IGFN1: variants seen among roughly 807,000 people sequenced by gnomAD.
IGFN1 encodes the protein immunoglobulin-like and fibronectin type III domain-containing protein 1.
Under a neutral mutation model 289.5 loss-of-function variants are expected in IGFN1, and 253 were observed. The ratio of observed to expected loss-of-function variants is 0.87; its 90% CI spans 0.79 to 0.97. The LOEUF is 0.97. IGFN1 is among the 50% of genes least tolerant of loss of function. IGFN1 has a pLI of 0.00. For missense variants in IGFN1, 4,470 were observed against 4,686.1 expected (o/e 0.95, Z 1.35); for synonymous variants, 1,706 against 1,788.5 (o/e 0.95, Z 1.16).
intron 8 of IGFN1, among the ~76,000 whole-genome samples, chr1:201,200,972 C>T (rs1667126602): frequency 6.6e-6 from 1 of 151,994 alleles, no homozygotes; most frequent in Non-Finnish European, 1.5e-5. Context: ...GCTGGGACTA[C>T]AGGTGCCTGC....
intron 1 of IGFN1, among the ~76,000 whole-genome samples, chr1:201,192,292 G>C (rs915144805): frequency 2.0e-5 from 3 of 152,216 alleles, no homozygotes; most frequent in African/African-American, 7.2e-5. Flanking sequence ...TAATGATAAG[G>C]CTCTTTGGGC....
chr1:201,227,263 C>T, intron 23 of IGFN1, 55 bp downstream of exon 23: 1 of 1,433,884 alleles, frequency 7.0e-7, no homozygotes, highest in Non-Finnish European at 9.4e-7. Context: ...AGAGCAACCA[C>T]CTGCCTGTCA....
chr1:201,212,149 GACCTGGGGTGGA>G lies in IGFN1; in HGVS notation c.7264_7275del (p.Val2422_Gly2425del). 6.5e-7 allele frequency: 1 copy of G among 1,536,290 alleles called. No individual in the cohort carries two copies. Among genetic ancestry groups the G allele is most frequent in the Non-Finnish European group, 8.7e-7 (1 of 1,146,708 alleles). On this transcript the variant is annotated inframe_deletion, in exon 12 of 24. Coordinates refer to ENST00000335211, the MANE Select transcript of IGFN1 (RefSeq NM_001164586.2). ...GAAACCAGGCTTGTGGATGGGGCAG[GACCTGGGGTGGA>G]ACCTGGGATGGCTGGAATGCCAGGC...
intron 23 of IGFN1, 118 bp downstream of exon 23, chr1:201,227,326 G>T: frequency 1.4e-6 from 1 of 718,084 alleles, no homozygotes. Flanking sequence ...AGGAGACCAG[G>T]ACTCTCTGCC....
In IGFN1 at chr1:201,204,443, G is replaced by C. The variant is rs566775080; in HGVS notation, c.916+537G>C. 2.4e-4 allele frequency among the ~76,000 whole-genome samples: 36 copies of C among 152,338 alleles called. No homozygotes were observed. The East Asian group carries it at 4.8e-3, about 20-fold the overall frequency. On this transcript the variant is annotated intron_variant, in intron 10 of 23. Transcript: ENST00000335211. ...CTCAGAGCACCTGCCAGCTCAAGGG[G>C]GTTCTTGAAAGGACAACGAGAGGCC... is the stretch of plus-strand genomic sequence containing the variant.
chr1:201,214,871 A>G, intron 13 of IGFN1, 142 bp from the exon 14 acceptor site: 1 of 786,580 alleles, frequency 1.3e-6, no homozygotes, highest in Middle Eastern at 2.5e-4. Context: ...TGCTAAGCAC[A>G]GAGAGCATTG....
In IGFN1 at chr1:201,211,961, G is replaced by C. The variant is rs530447939; in HGVS notation, c.7068G>C (p.Met2356Ile). The C allele has an allele frequency of 7.8e-6, 12 of 1,533,056 alleles. No individual in the cohort carries two copies. Among genetic ancestry groups the C allele is most frequent in the Non-Finnish European group, 9.6e-6 (11 of 1,144,964 alleles). The allele number at this position is 1,533,056 out of a possible 1,614,324, so 95.0% of individuals were successfully genotyped here. ...GGGAAACGGGACCAGAGGGTAAGATGGGTTATGGAGATGGTTCAGGGAGGC... is the reference window on the plus strand; with the variant it reads ...GGGAAACGGGACCAGAGGGTAAGATCGGTTATGGAGATGGTTCAGGGAGGC... Reference protein sequence around the residue: ...GSGETGPEGKMGYGDGSGRLG... With the variant: ...GSGETGPEGKIGYGDGSGRLG... The change falls in exon 12 of 24, where the codon ATG becomes ATC. Residue 2356 changes from methionine (M) to isoleucine (I), a missense_variant. Physicochemically the swap from Met to Ile is conservative, Grantham distance 10. This residue lies in a region of IGFN1 where 2,218 missense variants were observed against 2,114.1 expected (regional missense o/e 1.05). Transcript: ENST00000335211.
chr1:201,226,055 C>T lies in IGFN1; in HGVS notation c.10718C>T (p.Ala3573Val), dbSNP rs1280038585. 1 of 1,601,146 alleles carries T rather than the reference C, an allele frequency of 6.2e-7. No individual in the cohort carries two copies. The highest frequency in any genetic ancestry group is 1.1e-5 in the South Asian group (1 of 89,668). Reference protein sequence around the residue: ...PGHEYHFRVVAKNELGASKPS... With the variant: ...PGHEYHFRVVVKNELGASKPS... ...CACGAATACCACTTCAGGGTGGTGG[C>T]CAAGAATGAGCTGGGGGCCAGCAAA... The change falls in exon 22 of 24, where the codon GCC becomes GTC. Residue 3573 changes from alanine (A) to valine (V), a missense_variant. Coordinates refer to ENST00000335211, the MANE Select transcript of IGFN1 (RefSeq NM_001164586.2).
intron 1 of IGFN1, among the ~76,000 whole-genome samples, chr1:201,192,602 G>A (rs1666706650): frequency 6.6e-6 from 1 of 152,194 alleles, no homozygotes; most frequent in African/African-American, 2.4e-5. Flanking sequence ...GATCCTACAG[G>A]CCTGGGCCAA....
At chr1:201,215,280 C>A in intron 14 of IGFN1, 126 bp downstream of exon 14, 1 of 1,115,970 alleles carries the variant, frequency 9.0e-7, no homozygotes, top group Non-Finnish European at 1.3e-6. Flanking sequence ...ATCTCATCCC[C>A]AGAGAAGATG....
chr1:201,211,992 G>A lies in IGFN1; in HGVS notation c.7099G>A (p.Val2367Ile), dbSNP rs1328513327. ...TGGAGATGGTTCAGGGAGGCTTGGA[G>A]TACCAGGCTCACTGGCTGGAATAGG... ...GYGDGSGRLG[V>I]PGSLAGIGHE... is the part of the protein sequence containing the mutation. The change falls in exon 12 of 24, where the codon GTA becomes ATA. Residue 2367 changes from valine (V) to isoleucine (I), a missense_variant. By Grantham distance (29) the Val-to-Ile change is conservative. This residue lies in a region of IGFN1 where 2,218 missense variants were observed against 2,114.1 expected (regional missense o/e 1.05). Transcript: ENST00000335211. 6 of 1,535,848 alleles carry A rather than the reference G, an allele frequency of 3.9e-6. No individual in the cohort carries two copies. The African/African-American group carries it at 5.5e-5, about 14-fold the overall frequency.
rs1344452320 is a variant in IGFN1, at chr1:201,227,462, T to C, written c.11113+254T>C. On this transcript the variant is annotated intron_variant, in intron 23 of 23. Transcript: ENST00000335211. Reference sequence around the variant, plus strand: ...TTTTTTTTGAGACGGAGTTTCGCTCTTGTTGCCCAGGTTGGAGTGCAATGG... The same window carrying C: ...TTTTTTTTGAGACGGAGTTTCGCTCCTGTTGCCCAGGTTGGAGTGCAATGG... Among the ~76,000 whole-genome samples, 3 of 151,884 alleles carry C rather than the reference T, an allele frequency of 2.0e-5. No individual in the cohort carries two copies. The East Asian group carries it at 5.8e-4, about 29-fold the overall frequency.
chr1:201,204,015 C>A, intron 10 of IGFN1, 109 bp downstream of exon 10: 3 of 1,031,512 alleles, frequency 2.9e-6, no homozygotes, highest in Non-Finnish European at 2.8e-6. Context: ...GCCCCAGCTG[C>A]AAAAGACAAT....
chr1:201,193,284 A>C lies in IGFN1; in HGVS notation c.-10A>C. The C allele has an allele frequency of 1.3e-6, 2 of 1,538,404 alleles. No individual in the cohort carries two copies. The highest frequency in any genetic ancestry group is 1.8e-6 in the Non-Finnish European group (2 of 1,134,528). ...TCTACCCTCAGAGGAGTCAAAGAGG[A>C]GGCAGAACTATGGCAGGTAAGAGAA... is the stretch of plus-strand genomic sequence containing the variant. On this transcript the variant is annotated 5_prime_UTR_variant, in exon 2 of 24. Transcript: ENST00000335211.
chr1:201,193,942 C>T (rs1666769983), intron 2 of IGFN1, among the ~76,000 whole-genome samples: 1 of 152,294 alleles, frequency 6.6e-6, no homozygotes, highest in South Asian at 2.1e-4. Flanking sequence ...GCTCCATTCA[C>T]ACTGCCAGAG....
At chr1:201,214,934 T>G (rs1217542513) in intron 13 of IGFN1, 79 bp from the exon 14 acceptor site, 7 of 1,471,340 alleles carry the variant, frequency 4.8e-6, no homozygotes, top group Non-Finnish European at 6.5e-6. Flanking sequence ...CCAGCATCAG[T>G]AAAGGGCTCT....
chr1:201,195,937 A>G lies in IGFN1; in HGVS notation c.226A>G (p.Lys76Glu), dbSNP rs1295118067. 6.4e-7 allele frequency: 1 copy of G among 1,551,770 alleles called. No homozygotes were observed. Among genetic ancestry groups the G allele is most frequent in the African/African-American group, 1.4e-5 (1 of 73,036 alleles). The change falls in exon 4 of 24, where the codon AAG becomes GAG. Residue 76 changes from lysine to glutamate, a missense_variant. Physicochemically the swap from Lys to Glu is moderately conservative, Grantham distance 56. Coordinates refer to ENST00000335211, the MANE Select transcript of IGFN1 (RefSeq NM_001164586.2). ...TGACCTCAGTGATTCCAGCAAGTAC[A>G]AGATCTCCTCCAGCCCTGGCAGCAA... ...KGDLSDSSKY[K>E]ISSSPGSKEH...
At chr1:201,205,843 T>C (rs1571448383) in intron 11 of IGFN1, among the ~76,000 whole-genome samples, 1 of 152,348 alleles carries the variant, frequency 6.6e-6, no homozygotes, top group East Asian at 1.9e-4. Flanking sequence ...ATGAAGCCTA[T>C]AGCAGGGTGG....
At chr1:201,199,572 A>G in intron 6 of IGFN1, 37 bp from the exon 7 acceptor site, 1 of 1,538,528 alleles carries the variant, frequency 6.5e-7, no homozygotes, top group Non-Finnish European at 8.8e-7. Context: ...CAGTCATCCC[A>G]CCTGGGACTG....
Sources: allele counts gnomAD v4.1 joint callset (sites outside exome capture counted in the v4.1 genomes callset), GRCh38; gene constraint gnomAD v4.1.1; regional missense constraint gnomAD v4.1.1; transcripts MANE v1.5; gene names NCBI Gene and HGNC (gene_info 2026-07-23, HGNC 2026-07-21).